Variants in TBL1X observed in about 807,000 individuals in gnomAD.
TBL1X encodes F-box-like/WD repeat-containing protein TBL1X.
TBL1X carries 10 observed loss-of-function variants against 50.7 expected under a neutral mutation model. The observed-to-expected ratio is 0.20, with a 90% CI of 0.12 to 0.33. The LOEUF is 0.33. TBL1X is among the 10% of genes least tolerant of loss of function. The probability of loss-of-function intolerance (pLI) is 1.00; values close to 1 mark genes in which losing one functional copy is unlikely to be tolerated. For synonymous variants in TBL1X, 190 were observed against 214.7 expected, an observed-to-expected ratio of 0.88 and a Z score of 1.01; for missense variants, 340 against 504.4, an observed-to-expected ratio of 0.67 and a Z score of 3.12.
intron 2 of TBL1X, among the ~76,000 whole-genome samples, chrX:9,564,841 A>T (rs2082341518): frequency 9.0e-6 from 1 of 110,940 alleles, no homozygotes; most frequent in Admixed American, 9.6e-5. Context: ...CTGACAAATT[A>T]TCCAAGAGTT....
intron 2 of TBL1X, among the ~76,000 whole-genome samples, chrX:9,533,444 G>T (rs1340439332): frequency 8.9e-6 from 1 of 111,993 alleles, no homozygotes; most frequent in Non-Finnish European, 1.9e-5. Flanking sequence ...GCAGTTCAAA[G>T]AAGTGTTCTG....
At chrX:9,615,141 C>A (rs1446996973) in intron 2 of TBL1X, among the ~76,000 whole-genome samples, 1 of 111,840 alleles carries the variant, frequency 8.9e-6, no homozygotes, top group Non-Finnish European at 1.9e-5. Context: ...GAATGCTTTA[C>A]CCCTTTTCTC....
At chrX:9,618,019 A>T (rs1364421063) in intron 2 of TBL1X, among the ~76,000 whole-genome samples, 1 of 111,677 alleles carries the variant, frequency 9.0e-6, no homozygotes, top group Non-Finnish European at 1.9e-5. Flanking sequence ...CAGTTGTGGC[A>T]ACTGAAAATG....
chrX:9,535,407 C>T (rs945608645), intron 2 of TBL1X, among the ~76,000 whole-genome samples: 1 of 111,912 alleles, frequency 8.9e-6, no homozygotes, highest in South Asian at 3.7e-4. Context: ...GAGGAATAAA[C>T]TTTTTTGCCT....
At chrX:9,565,604 A>G (rs991550765) in intron 2 of TBL1X, among the ~76,000 whole-genome samples, 1 of 111,067 alleles carries the variant, frequency 9.0e-6, no homozygotes, top group Admixed American at 9.6e-5. Flanking sequence ...CGAAGCGGGA[A>G]CGTCACTAGA....
intron 12 of TBL1X, among the ~76,000 whole-genome samples, chrX:9,698,307 T>C (rs1398553640): frequency 9.0e-6 from 1 of 111,060 alleles, no homozygotes; most frequent in Non-Finnish European, 1.9e-5. Context: ...TTTTGGGGGC[T>C]CCCTGAAACC....
intron 2 of TBL1X, among the ~76,000 whole-genome samples, chrX:9,527,024 G>A (rs1406739917): frequency 8.9e-6 from 1 of 112,088 alleles, no homozygotes; most frequent in Non-Finnish European, 1.9e-5. Flanking sequence ...CTTGGAGATT[G>A]CGTGGGATTT....
chrX:9,707,538 C>T (rs985256969), intron 13 of TBL1X, among the ~76,000 whole-genome samples: 1 of 112,192 alleles, frequency 8.9e-6, no homozygotes, highest in Non-Finnish European at 1.9e-5. Flanking sequence ...ACCCATGAGC[C>T]GGCTCTGGAG....
intron 2 of TBL1X, among the ~76,000 whole-genome samples, chrX:9,623,227 A>T: frequency 8.9e-6 from 1 of 112,240 alleles, no homozygotes; most frequent in Non-Finnish European, 1.9e-5. Flanking sequence ...TCAGATGGCT[A>T]AAAAAATTGA....
In TBL1X at chrX:9,707,352, T is replaced by C. The variant is rs749325928; in HGVS notation, c.1237-1896T>C. On this transcript the variant is annotated intron_variant, in intron 13 of 17. Coordinates refer to ENST00000645353, the MANE Select transcript of TBL1X (RefSeq NM_005647.4). The stretch of plus-strand genomic sequence containing the variant: ...ACTCTCTTCTCCCGGTCTAAACTTA[T>C]TTCTCCTCTAACCCTGGACTATCCA... Among the ~76,000 whole-genome samples the C allele has an allele frequency of 2.8e-3, 314 of 112,307 alleles. 1 individual carries two copies. The highest frequency in any genetic ancestry group is 9.7e-3 in the African/African-American group (299 of 30,927).
chrX:9,483,658 G>C lies in TBL1X; in HGVS notation c.-200-18122G>C, dbSNP rs189273023. Among the ~76,000 whole-genome samples, 303 of 111,089 alleles carry C rather than the reference G, an allele frequency of 2.7e-3. 3 individuals carry two copies. Among genetic ancestry groups the C allele is most frequent in the African/African-American group, 8.8e-3 (268 of 30,504 alleles). On this transcript the variant is annotated intron_variant, in intron 1 of 17. Coordinates refer to ENST00000645353, the MANE Select transcript of TBL1X (RefSeq NM_005647.4). ...TGCTTTCCACCCTCCGACAAGCCCT[G>C]ATCTGTGCTCTGAACAAACTCCTAT...
intron 3 of TBL1X, among the ~76,000 whole-genome samples, chrX:9,650,569 G>A (rs1178971211): frequency 9.0e-6 from 1 of 111,527 alleles, no homozygotes; most frequent in African/African-American, 3.3e-5. Flanking sequence ...AGGCTGACTC[G>A]TCCTTTGTAA....
rs932250551 is a variant in TBL1X at position 9,563,692 on chromosome X, C to T, written c.-131+61843C>T. ...CCACATTTTGAGTGCTCAGTAGCCACATGTGGCCAGTGGATACCTTATTAG... is the reference window on the plus strand; with the variant it reads ...CCACATTTTGAGTGCTCAGTAGCCATATGTGGCCAGTGGATACCTTATTAG... On this transcript the variant is annotated intron_variant, in intron 2 of 17. Coordinates refer to ENST00000645353, the MANE Select transcript of TBL1X (RefSeq NM_005647.4). 2.7e-5 allele frequency among the ~76,000 whole-genome samples: 3 copies of T among 112,498 alleles called. No individual in the cohort carries two copies. In the Admixed American group the frequency reaches 2.8e-4, roughly 11 times the overall value.
intron 2 of TBL1X, among the ~76,000 whole-genome samples, chrX:9,634,022 G>T (rs1253948858): frequency 2.7e-5 from 3 of 111,828 alleles, no homozygotes; most frequent in Non-Finnish European, 3.8e-5. Context: ...TTATTGTACA[G>T]ATGCATGACT....
chrX:9,711,194 A>G (rs1159527973), intron 15 of TBL1X, among the ~76,000 whole-genome samples: 1 of 109,506 alleles, frequency 9.1e-6, no homozygotes, highest in Non-Finnish European at 1.9e-5. Flanking sequence ...ATAAAAAAAT[A>G]AAAATTAGCC....
At chrX:9,713,636 C>T (rs769066441) in intron 16 of TBL1X, among the ~76,000 whole-genome samples, 1 of 109,840 alleles carries the variant, frequency 9.1e-6, no homozygotes, top group South Asian at 4.0e-4. Context: ...CCATGTTGGC[C>T]AGGCTGGTGT....
At position 9,716,294 on chromosome X, in the gene TBL1X, G is replaced by C. The variant is rs2083278183; in HGVS notation, c.*48G>C. The C allele has an allele frequency of 8.6e-7, 1 of 1,160,108 alleles. No homozygotes were observed. Among genetic ancestry groups the C allele is most frequent in the South Asian group, 1.9e-5 (1 of 53,668 alleles). ...GAAAAGAATTCTAATGACCAGCCGT[G>C]AATGTGTAGGGTTGCAGCTCTATTC... On this transcript the variant is annotated 3_prime_UTR_variant, in exon 18 of 18. Transcript: ENST00000645353.
At chrX:9,606,853 A>G (rs1157812703) in intron 2 of TBL1X, among the ~76,000 whole-genome samples, 1 of 112,136 alleles carries the variant, frequency 8.9e-6, no homozygotes, top group Non-Finnish European at 1.9e-5. Context: ...TCTTCCAGTT[A>G]ACTTCAGAAC....
chrX:9,552,957 A>G (rs1368995638), intron 2 of TBL1X, among the ~76,000 whole-genome samples: 3 of 111,438 alleles, frequency 2.7e-5, no homozygotes, highest in Non-Finnish European at 5.7e-5. Flanking sequence ...AGCCTGGGCA[A>G]CAGAGAGAGA....
Sources: allele counts gnomAD v4.1 joint callset (sites outside exome capture counted in the v4.1 genomes callset), GRCh38; gene constraint gnomAD v4.1.1; transcripts MANE v1.5; gene names NCBI Gene and HGNC (gene_info 2026-07-23, HGNC 2026-07-21).